DHX30: variants seen among roughly 807,000 people sequenced by gnomAD.
The protein encoded by DHX30 is ATP-dependent RNA helicase DHX30.
In DHX30, 4 loss-of-function variants were observed where a neutral mutation model predicts 116.9. The ratio of observed to expected loss-of-function variants is 0.03; its 90% CI spans 0.02 to 0.08. The LOEUF is 0.08. DHX30 is among the 10% of genes least tolerant of loss of function. The pLI, the probability that DHX30 is intolerant of heterozygous loss-of-function variation, is 1.00. For missense variants in DHX30, 871 were observed against 1,595.1 expected (o/e 0.55, Z 7.73); for synonymous variants, 697 against 651.7 (o/e 1.07, Z -1.06).
chr3:47,803,445 G>C (rs1044906797), intron 1 of DHX30, among the ~76,000 whole-genome samples: 2 of 152,126 alleles, frequency 1.3e-5, no homozygotes, highest in Non-Finnish European at 2.9e-5. Flanking sequence ...GAGCCCGGGC[G>C]GGGGCGGGGG....
rs374797547 is a variant in DHX30 at position 47,827,334 on chromosome 3, C to T, written c.125-13C>T. 2 of 1,595,602 alleles carry T rather than the reference C, an allele frequency of 1.3e-6. No homozygotes were observed. The highest frequency in any genetic ancestry group is 1.9e-5 in the Admixed American group (1 of 53,966). On this transcript the variant is annotated splice_polypyrimidine_tract_variant and intron_variant, in intron 4 of 21. Coordinates refer to ENST00000445061, the MANE Select transcript of DHX30 (RefSeq NM_138615.3). ...AAAGAACAACTGTAATGCTTTTGTTCTTATTTTCTTAGCTTCTAGGGACCT... is the reference window on the plus strand; with the variant it reads ...AAAGAACAACTGTAATGCTTTTGTTTTTATTTTCTTAGCTTCTAGGGACCT...
rs150000907 is a variant in DHX30 at position 47,818,022 on chromosome 3, A to G, written c.29A>G (p.Asp10Gly). 44 of 780,964 alleles carry G rather than the reference A, an allele frequency of 5.6e-5. No homozygotes were observed. The African/African-American group carries it at 7.1e-4, about 13-fold the overall frequency. The allele number at this position is 780,964 out of a possible 1,614,324, so 48.4% of individuals were successfully genotyped here. The change falls in exon 4 of 22, where the codon GAT becomes GGT. Residue 10 changes from aspartate (D) to glycine (G), a missense_variant and splice_region_variant. Physicochemically the swap from Asp to Gly is moderately conservative, Grantham distance 94. Coordinates refer to ENST00000445061, the MANE Select transcript of DHX30 (RefSeq NM_138615.3). MFSLDSFRKDRAQHRQRQCK... is the reference protein window; with the variant it reads MFSLDSFRKGRAQHRQRQCK... The stretch of plus-strand genomic sequence containing the variant: ...CCTGATGCCCTCTCTCTTTCCCCAG[A>G]TCGGGCCCAGCACAGGCAGCGTCAG...
intron 6 of DHX30, among the ~76,000 whole-genome samples, chr3:47,838,187 G>A (rs557816600): frequency 5.3e-5 from 8 of 152,296 alleles, no homozygotes; most frequent in South Asian, 2.1e-4. Flanking sequence ...CCAAGGGTTC[G>A]CGAATGTGTG....
intron 3 of DHX30, chr3:47,816,468 G>A (rs977550241): frequency 1.8e-5 from 17 of 968,902 alleles, no homozygotes; most frequent in African/African-American, 3.6e-5. Flanking sequence ...AGTCATTCTC[G>A]TGCCTCAGCC....
In DHX30 at chr3:47,849,759, G is replaced by C; in HGVS notation, c.3321G>C (p.Val1107=). Reference sequence around the variant, plus strand: ...TGCTGCTGCTGACCGACGGGGACGTGCACATCCGTGGTGGGTGCCTGCAGG... The same window carrying C: ...TGCTGCTGCTGACCGACGGGGACGTCCACATCCGTGGTGGGTGCCTGCAGG... ...LAVLLLTDGD[V]HIRDDGRRAT... is the part of the protein sequence containing the mutation. Residue 1107 remains valine, a synonymous_variant, in exon 21 of 22, where the codon GTG becomes GTC. Transcript: ENST00000445061. The C allele has an allele frequency of 6.2e-7, 1 of 1,612,984 alleles. No homozygotes were observed. Among genetic ancestry groups the C allele is most frequent in the Non-Finnish European group, 8.5e-7 (1 of 1,179,428 alleles).
chr3:47,817,354 C>T (rs1206754940), intron 3 of DHX30, among the ~76,000 whole-genome samples: 4 of 152,302 alleles, frequency 2.6e-5, no homozygotes, highest in South Asian at 2.1e-4. Context: ...CCTTAATTTT[C>T]GTTCATGTAC....
chr3:47,842,630 C>T (rs2037431410), intron 8 of DHX30: 3 of 152,792 alleles, frequency 2.0e-5, no homozygotes, highest in African/African-American at 7.2e-5. Context: ...GAATTTTGAG[C>T]ATTAGCTGTC....
chr3:47,808,509 T>C (rs2035634082), intron 2 of DHX30, among the ~76,000 whole-genome samples: 1 of 151,128 alleles, frequency 6.6e-6, no homozygotes, highest in South Asian at 2.1e-4. Flanking sequence ...TGAACCACTG[T>C]GCCTAGCCAG....
At chr3:47,828,956 T>G in intron 5 of DHX30, 68 bp from the exon 6 acceptor site, 3 of 927,504 alleles carry the variant, frequency 3.2e-6, no homozygotes, top group South Asian at 2.8e-5. Flanking sequence ...CTGTTTATTT[T>G]CCATGTAATT....
intron 6 of DHX30, among the ~76,000 whole-genome samples, chr3:47,831,948 T>TA (rs1553702867): frequency 5.3e-5 from 8 of 150,550 alleles, no homozygotes; most frequent in East Asian, 1.9e-4. Context: ...TTTTTTTTTT[T>TA]ATTCCTCTCT....
chr3:47,815,356 G>A (rs991287240), intron 3 of DHX30, among the ~76,000 whole-genome samples: 1 of 152,152 alleles, frequency 6.6e-6, no homozygotes, highest in Non-Finnish European at 1.5e-5. Flanking sequence ...AGCATGCAGT[G>A]TGCTGTGAGG....
At chr3:47,820,844 C>G (rs1326297330) in intron 4 of DHX30, among the ~76,000 whole-genome samples, 1 of 151,866 alleles carries the variant, frequency 6.6e-6, no homozygotes, top group Non-Finnish European at 1.5e-5. Context: ...TTTCTCTCCT[C>G]CAAGAATACG....
chr3:47,807,703 C>CAAAAAAAAAAAAAA (rs1202083372), intron 2 of DHX30, among the ~76,000 whole-genome samples: 1 of 32,730 alleles, frequency 3.1e-5, no homozygotes, highest in Non-Finnish European at 5.6e-5. Flanking sequence ...GACTCTGTCT[C>CAAAAAAAAAAAAAA]AAAAAAAAAA....
chr3:47,845,653 T>C, intron 9 of DHX30, 47 bp from the exon 10 acceptor site: 2 of 1,486,374 alleles, frequency 1.3e-6, no homozygotes, highest in South Asian at 1.4e-5. Context: ...GGGCTGGTTT[T>C]TGGGGAGCCC....
intron 3 of DHX30, 93 bp downstream of exon 3, chr3:47,810,804 C>A: frequency 7.6e-7 from 1 of 1,308,294 alleles, no homozygotes. Flanking sequence ...GTATGTAGTT[C>A]TTGCACATTT....
chr3:47,831,421 T>C (rs1400619132), intron 6 of DHX30, among the ~76,000 whole-genome samples: 1 of 152,174 alleles, frequency 6.6e-6, no homozygotes, highest in Non-Finnish European at 1.5e-5. Context: ...GGATCACATT[T>C]TGGCATGAGA....
intron 6 of DHX30, chr3:47,830,760 T>C (rs1036748853): frequency 1.3e-5 from 2 of 151,852 alleles, no homozygotes; most frequent in Non-Finnish European, 2.9e-5. Flanking sequence ...GCCTGGCTAA[T>C]GTTTTTGTAT....
In DHX30 at chr3:47,846,671, C is replaced by T. The variant is rs752850145; in HGVS notation, c.1599C>T (p.Leu533=). ...CCCCATCCCGAGGCGGGGCCCTGCT[C>T]TTCTGCACTGTGGGTATCCTGCTGC... ...SKPPSRGGAL[L]FCTVGILLRK... is the part of the protein sequence containing the mutation. Residue 533 remains leucine (L), a synonymous_variant, in exon 11 of 22, where the codon CTC becomes CTT. Coordinates refer to ENST00000445061, the MANE Select transcript of DHX30 (RefSeq NM_138615.3). 46 of 1,614,010 alleles carry T rather than the reference C, an allele frequency of 2.9e-5. No homozygotes were observed. Among genetic ancestry groups the T allele is most frequent in the Non-Finnish European group, 3.8e-5 (45 of 1,180,046 alleles).
intron 4 of DHX30, among the ~76,000 whole-genome samples, chr3:47,826,525 A>G (rs942356348): frequency 6.7e-6 from 1 of 150,044 alleles, no homozygotes; most frequent in Non-Finnish European, 1.5e-5. Context: ...GCCTCACTAC[A>G]ACCTCCGCCT....
Sources: allele counts gnomAD v4.1 joint callset (sites outside exome capture counted in the v4.1 genomes callset), GRCh38; gene constraint gnomAD v4.1.1; transcripts MANE v1.5; gene names NCBI Gene and HGNC (gene_info 2026-07-23, HGNC 2026-07-21).